Variants in MARCHF1 observed in about 807,000 individuals in gnomAD.
MARCHF1 encodes the protein membrane associated ring-CH-type finger 1.
Under a neutral mutation model 54.2 loss-of-function variants are expected in MARCHF1, and 40 were observed. The ratio of observed to expected loss-of-function variants is 0.74; its 90% CI spans 0.57 to 0.96. MARCHF1 has a LOEUF of 0.96. Among genes scored for constraint, MARCHF1 ranks in the 40% least tolerant of loss-of-function variants. The pLI, the probability that MARCHF1 is intolerant of heterozygous loss-of-function variation, is 0.00. For synonymous variants in MARCHF1, 236 were observed against 236.3 expected, an observed-to-expected ratio of 1.00 and a Z score of 0.01; for missense variants, 586 against 656.5, an observed-to-expected ratio of 0.89 and a Z score of 1.17.
At chr4:164,061,734 A>G (rs975358287) in intron 2 of MARCHF1, among the ~76,000 whole-genome samples, 15 of 152,186 alleles carry the variant, frequency 9.9e-5, no homozygotes, top group African/African-American at 3.4e-4. Flanking sequence ...AAAGAGTGCA[A>G]TAGAATTTTA....
At chr4:164,215,093 C>A (rs1350000551) in intron 1 of MARCHF1, among the ~76,000 whole-genome samples, 3 of 152,180 alleles carry the variant, frequency 2.0e-5, no homozygotes, top group African/African-American at 7.2e-5. Flanking sequence ...TAGACCCTTC[C>A]TTATCACAGA....
At chr4:163,706,640 A>C (rs1339136479) in intron 4 of MARCHF1, among the ~76,000 whole-genome samples, 1 of 152,026 alleles carries the variant, frequency 6.6e-6, no homozygotes, top group African/African-American at 2.4e-5. Context: ...TGGGAAGATA[A>C]TTTTCTAATA....
intron 5 of MARCHF1, among the ~76,000 whole-genome samples, chr4:163,651,580 G>C (rs1057258011): frequency 6.9e-6 from 1 of 144,620 alleles, no homozygotes; most frequent in East Asian, 2.0e-4. Flanking sequence ...TTTTAAAAGT[G>C]GTTTTATACC....
intron 5 of MARCHF1, 44 bp downstream of exon 5, chr4:163,700,768 TG>T (rs1744787347): frequency 1.4e-6 from 2 of 1,381,058 alleles, no homozygotes; most frequent in Non-Finnish European, 2.0e-6. Context: ...TGTGAACTCA[TG>T]AAGTGCAGAA....
chr4:164,264,549 A>G (rs1293354171), intron 1 of MARCHF1, among the ~76,000 whole-genome samples: 2 of 152,120 alleles, frequency 1.3e-5, no homozygotes, highest in African/African-American at 4.8e-5. Flanking sequence ...TGAAAAACAC[A>G]TATCTTTCAT....
intron 4 of MARCHF1, among the ~76,000 whole-genome samples, chr4:163,830,519 A>G (rs1748988840): frequency 6.6e-6 from 1 of 152,164 alleles, no homozygotes; most frequent in Non-Finnish European, 1.5e-5. Context: ...TGGCTCACTC[A>G]TTCTCTATTC....
chr4:164,121,227 A>G (rs546437293), intron 1 of MARCHF1, among the ~76,000 whole-genome samples: 6 of 152,244 alleles, frequency 3.9e-5, no homozygotes, highest in Admixed American at 3.9e-4. Flanking sequence ...GAAGAAATGG[A>G]CAAATTTCTA....
intron 1 of MARCHF1, among the ~76,000 whole-genome samples, chr4:164,304,875 G>A (rs921450174): frequency 6.6e-5 from 10 of 152,112 alleles, no homozygotes; most frequent in Non-Finnish European, 1.2e-4. Context: ...TTTGCTTGTG[G>A]GAAGAAGGAA....
intron 1 of MARCHF1, among the ~76,000 whole-genome samples, chr4:164,252,609 C>A (rs190709747): frequency 6.6e-6 from 1 of 152,138 alleles, no homozygotes. Context: ...AAGACTAATA[C>A]CATCAAAAAG....
At chr4:163,842,913 G>T (rs1749381633) in intron 4 of MARCHF1, among the ~76,000 whole-genome samples, 1 of 152,062 alleles carries the variant, frequency 6.6e-6, no homozygotes, top group Admixed American at 6.6e-5. Context: ...TGTGTTACAT[G>T]GGTAAATTGT....
chr4:163,741,170 A>G lies in MARCHF1; in HGVS notation c.112-40307T>C, dbSNP rs192873049. Among the ~76,000 whole-genome samples, 314 of 152,170 alleles carry G rather than the reference A, an allele frequency of 2.1e-3. 1 individual carries two copies. Among genetic ancestry groups the G allele is most frequent in the African/African-American group, 7.2e-3 (300 of 41,514 alleles). Reference sequence around the variant, plus strand: ...GGTAAATAATTTAAAATCACTATCAATTTTCTTATATGTAAAATTAGGGGG... The same window carrying G: ...GGTAAATAATTTAAAATCACTATCAGTTTTCTTATATGTAAAATTAGGGGG... On this transcript the variant is annotated intron_variant, in intron 4 of 9. Transcript: ENST00000514618.
chr4:163,995,451 CT>C (rs1178965691), intron 2 of MARCHF1, among the ~76,000 whole-genome samples: 1 of 151,954 alleles, frequency 6.6e-6, no homozygotes, highest in African/African-American at 2.4e-5. Context: ...CTCCCTCCTC[CT>C]TGGAGGAGGG....
At chr4:164,056,759 A>C (rs1388213365) in intron 2 of MARCHF1, among the ~76,000 whole-genome samples, 3 of 152,184 alleles carry the variant, frequency 2.0e-5, no homozygotes, top group Non-Finnish European at 2.9e-5. Flanking sequence ...GAAATTCTTA[A>C]TAATTTTATA....
chr4:163,570,050 G>C (rs912970127), intron 8 of MARCHF1, among the ~76,000 whole-genome samples: 5 of 152,058 alleles, frequency 3.3e-5, no homozygotes, highest in African/African-American at 1.2e-4. Context: ...TTATTAATTT[G>C]CTCAGCAAGG....
intron 3 of MARCHF1, among the ~76,000 whole-genome samples, chr4:163,951,646 C>A (rs1579416900): frequency 6.6e-6 from 1 of 152,130 alleles, no homozygotes; most frequent in South Asian, 2.1e-4. Flanking sequence ...GAGTAATTGT[C>A]AAAGGTAAGT....
chr4:163,986,753 T>A (rs1197615047), intron 3 of MARCHF1, among the ~76,000 whole-genome samples: 1 of 152,204 alleles, frequency 6.6e-6, no homozygotes, highest in Non-Finnish European at 1.5e-5. Flanking sequence ...AAAGAATAAT[T>A]TCATTATTAT....
intron 4 of MARCHF1, among the ~76,000 whole-genome samples, chr4:163,827,400 T>C (rs1334045672): frequency 1.3e-5 from 2 of 152,198 alleles, no homozygotes; most frequent in African/African-American, 4.8e-5. Flanking sequence ...AATGACATTA[T>C]GAAAATAAAA....
At chr4:163,745,268 C>T (rs1746324379) in intron 4 of MARCHF1, among the ~76,000 whole-genome samples, 1 of 151,962 alleles carries the variant, frequency 6.6e-6, no homozygotes, top group South Asian at 2.1e-4. Flanking sequence ...CCCACCACCA[C>T]ACCTGGCTAT....
intron 1 of MARCHF1, among the ~76,000 whole-genome samples, chr4:164,270,227 C>T (rs1733708592): frequency 6.6e-6 from 1 of 152,170 alleles, no homozygotes; most frequent in Non-Finnish European, 1.5e-5. Flanking sequence ...GCCATTGTTA[C>T]TGCATCTGCC....
Sources: allele counts gnomAD v4.1 joint callset (sites outside exome capture counted in the v4.1 genomes callset), GRCh38; gene constraint gnomAD v4.1.1; transcripts MANE v1.5; gene names NCBI Gene and HGNC (gene_info 2026-07-23, HGNC 2026-07-21).